MARCHF11: variants seen among roughly 807,000 people sequenced by gnomAD.
The protein encoded by MARCHF11 is membrane associated ring-CH-type finger 11, also known as E3 ubiquitin-protein ligase MARCHF11.
Under a neutral mutation model 37.3 loss-of-function variants are expected in MARCHF11, and 29 were observed. That is an observed-to-expected ratio of 0.78 (90% CI 0.58 to 1.06). The LOEUF is 1.06. Among genes scored for constraint, MARCHF11 ranks in the 50% least tolerant of loss-of-function variants. MARCHF11 has a pLI of 0.00. For synonymous variants in MARCHF11, 233 were observed against 228.0 expected (o/e 1.02, Z -0.20); for missense variants, 482 against 533.4 (o/e 0.90, Z 0.95).
chr5:16,070,226 A>G (rs1199404234), intron 3 of MARCHF11, among the ~76,000 whole-genome samples: 2 of 152,196 alleles, frequency 1.3e-5, no homozygotes, highest in African/African-American at 4.8e-5. Flanking sequence ...TGAATTCCCC[A>G]TGGTCAATAA....
chr5:16,110,372 C>A (rs768588163), intron 2 of MARCHF11, among the ~76,000 whole-genome samples: 29 of 152,138 alleles, frequency 1.9e-4, no homozygotes, highest in Non-Finnish European at 3.8e-4. Context: ...TAAAAGGAGA[C>A]CGGATACAAT....
chr5:16,098,835 G>T (rs554835490), intron 2 of MARCHF11, among the ~76,000 whole-genome samples: 63 of 149,884 alleles, frequency 4.2e-4, no homozygotes, highest in African/African-American at 1.5e-3. Flanking sequence ...GCAGCAAAAG[G>T]TTGAAAAGTG....
At chr5:16,099,946 A>G (rs952261431) in intron 2 of MARCHF11, among the ~76,000 whole-genome samples, 4 of 152,200 alleles carry the variant, frequency 2.6e-5, no homozygotes, top group Non-Finnish European at 4.4e-5. Context: ...ATGTTATTGT[A>G]TGGAATTTAG....
chr5:16,074,017 A>G (rs1266646469), intron 3 of MARCHF11, among the ~76,000 whole-genome samples: 1 of 152,236 alleles, frequency 6.6e-6, no homozygotes, highest in African/African-American at 2.4e-5. Context: ...AAGTCTCAAT[A>G]AATTTAAGAA....
At chr5:16,100,304 C>T (rs1288234138) in intron 2 of MARCHF11, among the ~76,000 whole-genome samples, 1 of 152,100 alleles carries the variant, frequency 6.6e-6, no homozygotes, top group Non-Finnish European at 1.5e-5. Context: ...GCGAGGCTGC[C>T]CTTTAACTCC....
intron 2 of MARCHF11, among the ~76,000 whole-genome samples, chr5:16,117,277 T>C (rs1178365249): frequency 6.6e-6 from 1 of 152,204 alleles, no homozygotes; most frequent in Non-Finnish European, 1.5e-5. Flanking sequence ...TATGACTGAA[T>C]TGGCTGTGCT....
chr5:16,096,868 A>T (rs1736877043), intron 2 of MARCHF11, among the ~76,000 whole-genome samples: 2 of 152,198 alleles, frequency 1.3e-5, no homozygotes. Flanking sequence ...TCAATTTAGG[A>T]ACCAATTTCC....
intron 2 of MARCHF11, among the ~76,000 whole-genome samples, chr5:16,091,919 G>T (rs988747438): frequency 1.3e-5 from 2 of 152,106 alleles, no homozygotes; most frequent in Non-Finnish European, 2.9e-5. Context: ...AACGAAACAA[G>T]AATTGTTATT....
rs571703392 is a variant in MARCHF11, at chr5:16,136,868, G to A, written c.693+40858C>T. ...GCTCAAAAATGCTTATTTCTTCATG[G>A]GTCTAAAGTGATATAAGTAGCAGCT... On this transcript the variant is annotated intron_variant, in intron 2 of 3. Coordinates refer to ENST00000332432, the MANE Select transcript of MARCHF11 (RefSeq NM_001102562.3). Among the ~76,000 whole-genome samples the A allele has an allele frequency of 4.4e-4, 67 of 152,096 alleles. 1 individual carries two copies. Among genetic ancestry groups the A allele is most frequent in the African/African-American group, 1.5e-3 (61 of 41,478 alleles).
intron 2 of MARCHF11, among the ~76,000 whole-genome samples, chr5:16,108,570 G>C (rs757884780): frequency 1.4e-4 from 21 of 152,250 alleles, no homozygotes; most frequent in South Asian, 1.0e-3. Context: ...CTGTTACCAG[G>C]CTCACATAGA....
At chr5:16,153,096 A>G (rs1378780563) in intron 2 of MARCHF11, among the ~76,000 whole-genome samples, 2 of 152,004 alleles carry the variant, frequency 1.3e-5, no homozygotes, top group African/African-American at 4.8e-5. Flanking sequence ...AAAGTTGTCC[A>G]TAATGGCAGA....
chr5:16,163,081 A>G (rs932431044), intron 2 of MARCHF11, among the ~76,000 whole-genome samples: 9 of 152,016 alleles, frequency 5.9e-5, no homozygotes, highest in African/African-American at 2.2e-4. Context: ...ATGTGTAACA[A>G]ATGTTTAACA....
At chr5:16,082,743 G>A (rs774887740) in intron 3 of MARCHF11, among the ~76,000 whole-genome samples, 2 of 152,140 alleles carry the variant, frequency 1.3e-5, no homozygotes, top group African/African-American at 2.4e-5. Flanking sequence ...CAACTCTCCT[G>A]GTTATTAAGC....
At chr5:16,106,258 A>G (rs908280911) in intron 2 of MARCHF11, among the ~76,000 whole-genome samples, 2 of 152,234 alleles carry the variant, frequency 1.3e-5, no homozygotes, top group Non-Finnish European at 2.9e-5. Flanking sequence ...ACCCCATTCA[A>G]AATAAGCCTA....
intron 2 of MARCHF11, among the ~76,000 whole-genome samples, chr5:16,146,545 C>T (rs1408784717): frequency 1.3e-5 from 2 of 152,146 alleles, no homozygotes; most frequent in African/African-American, 4.8e-5. Flanking sequence ...GACTCTACGG[C>T]TCATTTACTC....
At chr5:16,169,760 T>G (rs1738228194) in intron 2 of MARCHF11, among the ~76,000 whole-genome samples, 1 of 152,152 alleles carries the variant, frequency 6.6e-6, no homozygotes, top group Non-Finnish European at 1.5e-5. Context: ...CCAACTCCTC[T>G]GTGTCTGCCA....
chr5:16,162,018 C>T (rs918662253), intron 2 of MARCHF11, among the ~76,000 whole-genome samples: 3 of 151,754 alleles, frequency 2.0e-5, no homozygotes, highest in Admixed American at 6.6e-5. Context: ...TTATAAAAAT[C>T]GATATTAAAA....
chr5:16,171,881 C>T (rs544177770), intron 2 of MARCHF11, among the ~76,000 whole-genome samples: 1 of 152,282 alleles, frequency 6.6e-6, no homozygotes, highest in African/African-American at 2.4e-5. Flanking sequence ...CTTTCTTCTA[C>T]AGGAAGCTGT....
intron 2 of MARCHF11, among the ~76,000 whole-genome samples, chr5:16,100,040 C>T (rs1736930065): frequency 6.6e-6 from 1 of 152,078 alleles, no homozygotes; most frequent in Non-Finnish European, 1.5e-5. Flanking sequence ...GCAATGTGCT[C>T]AGTATGATTT....
Sources: gnomAD v4.1 joint callset for allele counts (sites outside exome capture counted in the v4.1 genomes callset) on GRCh38, gnomAD v4.1.1 for gene constraint, MANE v1.5 for transcripts, NCBI Gene and HGNC (gene_info 2026-07-23, HGNC 2026-07-21) for gene names.